ZNF236: variants seen among roughly 807,000 people sequenced by gnomAD.
ZNF236 encodes zinc finger protein 236, also known as regulated by glucose.
ZNF236 carries 50 observed loss-of-function variants against 191.2 expected under a neutral mutation model. That is an observed-to-expected ratio of 0.26 (90% CI 0.21 to 0.33). ZNF236 has a LOEUF of 0.33. Ranked by LOEUF, ZNF236 falls within the 10% of genes least tolerant of loss-of-function variation. The pLI is 1.00. For missense variants in ZNF236, 1,754 were observed against 2,374.5 expected (o/e 0.74, Z 5.43); for synonymous variants, 907 against 928.8 (o/e 0.98, Z 0.43).
intron 20 of ZNF236, among the ~76,000 whole-genome samples, chr18:76,921,137 T>C (rs1967521238): frequency 6.6e-6 from 1 of 152,192 alleles, no homozygotes; most frequent in Admixed American, 6.5e-5. Context: ...CAAGGAGCTG[T>C]TGGGTTGGCA....
At chr18:76,915,498 CTTTTTT>C in intron 18 of ZNF236, 143 bp from the exon 19 acceptor site, 2 of 621,918 alleles carry the variant, frequency 3.2e-6, no homozygotes, top group Non-Finnish European at 5.4e-6. Context: ...TTGTAATTTA[CTTTTTT>C]TTTTTTTTAA....
intron 1 of ZNF236, among the ~76,000 whole-genome samples, chr18:76,830,450 C>T (rs1338703020): frequency 6.6e-6 from 1 of 152,124 alleles, no homozygotes; most frequent in Non-Finnish European, 1.5e-5. Flanking sequence ...CAGCCAGTCG[C>T]CCAGTGACAG....
chr18:76,884,527 T>C (rs1461040173), intron 9 of ZNF236, among the ~76,000 whole-genome samples: 2 of 152,182 alleles, frequency 1.3e-5, no homozygotes, highest in South Asian at 2.1e-4. Flanking sequence ...AGTGAAACTA[T>C]TGTGTGTGGA....
intron 2 of ZNF236, among the ~76,000 whole-genome samples, chr18:76,851,574 A>G (rs1216080321): frequency 7.9e-5 from 12 of 152,248 alleles, no homozygotes. Flanking sequence ...ATGTGTTTTC[A>G]TCCTTATAAT....
chr18:76,959,185 G>A (rs1968598674), intron 28 of ZNF236, among the ~76,000 whole-genome samples: 1 of 152,194 alleles, frequency 6.6e-6, no homozygotes, highest in African/African-American at 2.4e-5. Flanking sequence ...AGAATCATGG[G>A]CATTCCGTGA....
At chr18:76,830,321 A>G (rs1439280159) in intron 1 of ZNF236, among the ~76,000 whole-genome samples, 3 of 152,180 alleles carry the variant, frequency 2.0e-5, no homozygotes, top group African/African-American at 7.2e-5. Context: ...ATTACATTAT[A>G]TGAACCTACC....
chr18:76,898,094 T>G (rs997308460), intron 10 of ZNF236: 1 of 152,186 alleles, frequency 6.6e-6, no homozygotes, highest in African/African-American at 2.4e-5. Flanking sequence ...GAATACAACA[T>G]GTAATCTGCA....
In ZNF236 at chr18:76,927,158, C is replaced by G; in HGVS notation, c.4149C>G (p.Ala1383=). 1.2e-6 allele frequency: 2 copies of G among 1,614,098 alleles called. No homozygotes were observed. ...TACAGATTTCTGGAATCGATGCTGCCAGCATTAATAACATTACGTTGCAGG... is the reference window on the plus strand; with the variant it reads ...TACAGATTTCTGGAATCGATGCTGCGAGCATTAATAACATTACGTTGCAGG... ...PNVQISGIDA[A]SINNITLQID... The change falls in exon 23 of 31, where the codon GCC becomes GCG. Residue 1383 remains alanine (A), a synonymous_variant. Transcript: ENST00000320610. The surrounding 1 kb of genome is among the most constrained non-coding windows in gnomAD (Gnocchi z 5.4).
intron 1 of ZNF236, among the ~76,000 whole-genome samples, chr18:76,843,196 G>A (rs1276867163): frequency 6.6e-6 from 1 of 152,158 alleles, no homozygotes; most frequent in Non-Finnish European, 1.5e-5. Context: ...GAGGTGGAGA[G>A]CATGAGCCGG....
At chr18:76,876,920 G>C (rs1437389992) in intron 6 of ZNF236, among the ~76,000 whole-genome samples, 1 of 152,144 alleles carries the variant, frequency 6.6e-6, no homozygotes, top group African/African-American at 2.4e-5. Context: ...AGTGCTCTCG[G>C]ACCTGCACTA....
At position 76,822,945 on chromosome 18, in the gene ZNF236, C is replaced by A. The variant is rs967145747; in HGVS notation, c.55+283C>A. Among the ~76,000 whole-genome samples the A allele has an allele frequency of 2.7e-3, 404 of 148,134 alleles. 5 individuals are homozygous for A. The highest frequency in any genetic ancestry group is 9.6e-3 in the African/African-American group (393 of 41,114). On this transcript the variant is annotated intron_variant, in intron 1 of 30. Coordinates refer to ENST00000320610, the MANE Select transcript of ZNF236 (RefSeq NM_001306089.2). ...GGAGGCGGGTGAGGGAGCAGGCGGCCGCCTCCTGCGCGCGCCCTGCCCCCG... is the reference window on the plus strand; with the variant it reads ...GGAGGCGGGTGAGGGAGCAGGCGGCAGCCTCCTGCGCGCGCCCTGCCCCCG...
intron 1 of ZNF236, among the ~76,000 whole-genome samples, chr18:76,831,377 T>G (rs146439935): frequency 4.1e-4 from 62 of 152,366 alleles, no homozygotes; most frequent in African/African-American, 1.4e-3. Context: ...TTGATAGGTA[T>G]TTCATTTTGT....
intron 1 of ZNF236, chr18:76,834,749 A>G: frequency 2.2e-6 from 1 of 455,602 alleles, no homozygotes; most frequent in Non-Finnish European, 4.3e-6. Flanking sequence ...TCGGATGGGC[A>G]TGGATCGAAC....
At chr18:76,846,201 C>T (rs1053451668) in intron 1 of ZNF236, among the ~76,000 whole-genome samples, 1 of 152,214 alleles carries the variant, frequency 6.6e-6, no homozygotes, top group Non-Finnish European at 1.5e-5. Flanking sequence ...GTTCTTCTGC[C>T]TCCACCTTCC....
rs1009140509 is a variant in ZNF236, at chr18:76,971,612, G to A, written c.*3273G>A. Among the ~76,000 whole-genome samples the A allele has an allele frequency of 2.6e-5, 4 of 152,228 alleles. No homozygotes were observed. Among genetic ancestry groups the A allele is most frequent in the Non-Finnish European group, 5.9e-5 (4 of 68,046 alleles). ...CACATTTATTACAAGAGACGCATGT[G>A]TTAGCACAGCTACACAATTTTTAGA... On this transcript the variant is annotated 3_prime_UTR_variant, in exon 31 of 31. Coordinates refer to ENST00000320610, the MANE Select transcript of ZNF236 (RefSeq NM_001306089.2).
intron 26 of ZNF236, among the ~76,000 whole-genome samples, chr18:76,938,664 G>A (rs1440613305): frequency 1.3e-5 from 2 of 152,146 alleles, no homozygotes; most frequent in African/African-American, 2.4e-5. Context: ...AATAGGCTTT[G>A]CCTAGAGCTC....
rs113430236 is a variant in ZNF236, at chr18:76,841,607, A to G, written c.56-7919A>G. ...ATTGAATCAACAGTCTTAGGCTTACATATTAGTATACATTGTTGTTGATAA... is the reference window on the plus strand; with the variant it reads ...ATTGAATCAACAGTCTTAGGCTTACGTATTAGTATACATTGTTGTTGATAA... On this transcript the variant is annotated intron_variant, in intron 1 of 30. Coordinates refer to ENST00000320610, the MANE Select transcript of ZNF236 (RefSeq NM_001306089.2). 4.9e-3 allele frequency among the ~76,000 whole-genome samples: 751 copies of G among 151,986 alleles called. 6 individuals carry two copies. The highest frequency in any genetic ancestry group is 0.017 in the African/African-American group (717 of 41,434).
intron 26 of ZNF236, among the ~76,000 whole-genome samples, chr18:76,939,698 C>CT (rs991462461): frequency 5.9e-5 from 9 of 152,220 alleles, no homozygotes; most frequent in Admixed American, 1.3e-4. Flanking sequence ...TGACCTTACA[C>CT]TTCCGGTTGT....
chr18:76,831,777 C>T (rs906638180), intron 1 of ZNF236, among the ~76,000 whole-genome samples: 2 of 152,092 alleles, frequency 1.3e-5, no homozygotes, highest in African/African-American at 2.4e-5. Context: ...CAATTTCCAT[C>T]GTATGTTTAA....
Sources: allele counts gnomAD v4.1 joint callset (sites outside exome capture counted in the v4.1 genomes callset), GRCh38; gene constraint gnomAD v4.1.1; non-coding constraint Gnocchi (gnomAD v3.1); transcripts MANE v1.5; gene names NCBI Gene and HGNC (gene_info 2026-07-23, HGNC 2026-07-21).